CLASP2: variants seen among roughly 807,000 people sequenced by gnomAD.
The protein encoded by CLASP2 is cytoplasmic linker associated protein 2, also known as CLIP-associating protein 2.
CLASP2 carries 47 observed loss-of-function variants against 194.4 expected under a neutral mutation model. The observed-to-expected ratio is 0.24, with a 90% CI of 0.19 to 0.31. The LOEUF (loss-of-function observed/expected upper bound fraction) is 0.31, where lower values mean the gene tolerates loss of function less well. Ranked by LOEUF, CLASP2 falls within the 10% of genes least tolerant of loss-of-function variation. CLASP2 has a pLI of 1.00. For synonymous variants in CLASP2, 619 were observed against 633.5 expected, an observed-to-expected ratio of 0.98 and a Z score of 0.34; for missense variants, 1,445 against 1,823.6, an observed-to-expected ratio of 0.79 and a Z score of 3.78.
At chr3:33,645,059 G>T (rs1467687735) in intron 7 of CLASP2, 156 bp from the exon 8 acceptor site, 6 of 742,400 alleles carry the variant, frequency 8.1e-6, no homozygotes, top group Admixed American at 7.0e-5. Flanking sequence ...TTATATATTG[G>T]CTAACACCAT....
intron 7 of CLASP2, among the ~76,000 whole-genome samples, chr3:33,654,891 T>A (rs2154324746): frequency 6.6e-6 from 1 of 152,312 alleles, no homozygotes; most frequent in Middle Eastern, 3.4e-3. Flanking sequence ...TAGGTAGATA[T>A]AACTGACTAG....
intron 7 of CLASP2, among the ~76,000 whole-genome samples, chr3:33,645,868 C>T (rs1056292173): frequency 1.5e-4 from 22 of 151,328 alleles, no homozygotes; most frequent in South Asian, 2.1e-4. Flanking sequence ...AGGCTCCTTT[C>T]GGAATATGAA....
At position 33,718,139 on chromosome 3, in the gene CLASP2, C is replaced by T. The variant is rs1181232825; in HGVS notation, c.-137G>A. ...CAGGGGCGCGGCTTGCGGGGCGCAG[C>T]GGGCGGCGGGAGGAACGCCAAGCGC... On this transcript the variant is annotated 5_prime_UTR_variant, in exon 1 of 39. Transcript: ENST00000682230. 34 of 877,304 alleles carry T rather than the reference C, an allele frequency of 3.9e-5. No homozygotes were observed. The highest frequency in any genetic ancestry group is 5.2e-5 in the Non-Finnish European group (33 of 637,740). 54.3% of individuals were successfully genotyped at this position (877,304 alleles called of 1,614,324 possible). A position where few individuals can be genotyped will look rare whatever the true frequency, so the allele number is the denominator to read the frequency against.
At chr3:33,672,867 T>G (rs2087645491) in intron 6 of CLASP2, among the ~76,000 whole-genome samples, 1 of 151,814 alleles carries the variant, frequency 6.6e-6, no homozygotes, top group African/African-American at 2.4e-5. Flanking sequence ...ATGAATGAAA[T>G]GAAGCAAGAA....
At position 33,501,768 on chromosome 3, in the gene CLASP2, C is replaced by T; in HGVS notation, c.4318G>A (p.Gly1440Ser). ...LPEIMPGLIQ[G>S]YDNSESSVRK... The stretch of plus-strand genomic sequence containing the variant: ...ACACTGCTCTCTGAATTATCATAAC[C>T]CTACGGAGAGAAGTCCACTGTTAGT... The change falls in exon 38 of 39, where the codon GGT becomes AGT. Residue 1440 changes from glycine to serine, a missense_variant and splice_region_variant. This residue lies in a region of CLASP2 where 732 missense variants were observed against 987.9 expected (regional missense o/e 0.74). Coordinates refer to ENST00000682230, the MANE Select transcript of CLASP2 (RefSeq NM_001365631.1). 6.2e-7 allele frequency: 1 copy of T among 1,605,774 alleles called. No homozygotes were observed. Among genetic ancestry groups the T allele is most frequent in the Non-Finnish European group, 8.5e-7 (1 of 1,172,808 alleles).
At chr3:33,584,279 T>TG in intron 22 of CLASP2, among the ~76,000 whole-genome samples, 1 of 148,066 alleles carries the variant, frequency 6.8e-6, no homozygotes, top group Non-Finnish European at 1.5e-5. Flanking sequence ...TGTTTTGTTT[T>TG]GGGTTTTTTT....
At chr3:33,553,924 A>C (rs1041832151) in intron 29 of CLASP2, among the ~76,000 whole-genome samples, 1 of 152,090 alleles carries the variant, frequency 6.6e-6, no homozygotes, top group Admixed American at 6.5e-5. Flanking sequence ...AGCATTACTC[A>C]TAATACCAAG....
intron 7 of CLASP2, among the ~76,000 whole-genome samples, chr3:33,658,559 C>T (rs969842914): frequency 1.3e-5 from 2 of 152,168 alleles, no homozygotes; most frequent in Non-Finnish European, 2.9e-5. Context: ...TTTATTTCCA[C>T]AGAATTCTAC....
At chr3:33,556,453 T>TTG (rs1422815813) in intron 29 of CLASP2, among the ~76,000 whole-genome samples, 2 of 151,688 alleles carry the variant, frequency 1.3e-5, no homozygotes, top group African/African-American at 4.8e-5. Context: ...TTTTTTTTTT[T>TTG]GAGACGGAGT....
chr3:33,665,396 A>G (rs1422318687), intron 6 of CLASP2, among the ~76,000 whole-genome samples: 1 of 152,076 alleles, frequency 6.6e-6, no homozygotes, highest in Admixed American at 6.6e-5. Context: ...AAAAGAAGAA[A>G]AAGGGGCCAG....
intron 1 of CLASP2, among the ~76,000 whole-genome samples, chr3:33,708,125 T>C (rs2092781065): frequency 6.6e-6 from 1 of 152,080 alleles, no homozygotes; most frequent in Admixed American, 6.5e-5. Context: ...ACAATATACA[T>C]TAACTATAGT....
intron 30 of CLASP2, among the ~76,000 whole-genome samples, chr3:33,546,297 A>G (rs1412837031): frequency 6.6e-6 from 1 of 152,168 alleles, no homozygotes; most frequent in African/African-American, 2.4e-5. Flanking sequence ...TATAAACCTA[A>G]GTATCTCTGG....
intron 21 of CLASP2, among the ~76,000 whole-genome samples, chr3:33,589,926 G>T (rs1050654202): frequency 6.6e-6 from 1 of 152,000 alleles, no homozygotes; most frequent in Non-Finnish European, 1.5e-5. Flanking sequence ...GGAAATTCCT[G>T]GTTGGTTATC....
intron 16 of CLASP2, 133 bp downstream of exon 16, chr3:33,606,458 A>C (rs2073871869): frequency 1.6e-6 from 1 of 614,388 alleles, no homozygotes; most frequent in East Asian, 2.9e-5. Flanking sequence ...GACCAAAATA[A>C]ATAAGTGTAT....
At chr3:33,510,503 A>G in intron 37 of CLASP2, 55 bp downstream of exon 37, 7 of 1,533,438 alleles carry the variant, frequency 4.6e-6, no homozygotes, top group South Asian at 4.5e-5. Context: ...AGTACCTAAA[A>G]TAACTGTATC....
chr3:33,607,240 G>A (rs1293243560), intron 15 of CLASP2, 144 bp downstream of exon 15: 3 of 567,760 alleles, frequency 5.3e-6, no homozygotes, highest in Non-Finnish European at 9.1e-6. Context: ...GTCTAATACA[G>A]ATGTAATGGA....
In CLASP2 at chr3:33,579,722, C is replaced by G. The variant is rs540138278; in HGVS notation, c.2347+2099G>C. On this transcript the variant is annotated intron_variant, in intron 23 of 38. Coordinates refer to ENST00000682230, the MANE Select transcript of CLASP2 (RefSeq NM_001365631.1). ...ATTTCTCATTTATGAGTCTCCAAAACAATCCTAAGAAGTACACACTATTAT... is the reference window on the plus strand; with the variant it reads ...ATTTCTCATTTATGAGTCTCCAAAAGAATCCTAAGAAGTACACACTATTAT... Among the ~76,000 whole-genome samples the G allele has an allele frequency of 3.3e-5, 5 of 152,226 alleles. No homozygotes were observed. In the South Asian group the frequency reaches 8.3e-4, roughly 25 times the overall value.
In CLASP2 at chr3:33,510,550, T is replaced by C. The variant is rs750844485; in HGVS notation, c.4317+8A>G. ...ATGGCTTATTCCTCTCCAAGCTTTG[T>C]TGCTTACCTGTATTAGACCTGGCAT... On this transcript the variant is annotated splice_region_variant and intron_variant, in intron 37 of 38. Coordinates refer to ENST00000682230, the MANE Select transcript of CLASP2 (RefSeq NM_001365631.1). 3 of 1,613,110 alleles carry C rather than the reference T, an allele frequency of 1.9e-6. No homozygotes were observed. Among genetic ancestry groups the C allele is most frequent in the Admixed American group, 1.7e-5 (1 of 59,994 alleles).
intron 11 of CLASP2, 25 bp downstream of exon 11, chr3:33,622,110 C>A: frequency 6.7e-7 from 1 of 1,496,792 alleles, no homozygotes; most frequent in Non-Finnish European, 9.0e-7. Context: ...ATAAAAAACA[C>A]TTATCATAAA....
Sources: allele counts gnomAD v4.1 joint callset (sites outside exome capture counted in the v4.1 genomes callset), GRCh38; gene constraint gnomAD v4.1.1; regional missense constraint gnomAD v4.1.1; transcripts MANE v1.5; gene names NCBI Gene and HGNC (gene_info 2026-07-23, HGNC 2026-07-21).